PSMD1: variants seen among roughly 807,000 people sequenced by gnomAD.
PSMD1 encodes 26S proteasome non-ATPase regulatory subunit 1.
Under a neutral mutation model 119.0 loss-of-function variants are expected in PSMD1, and 18 were observed. The observed-to-expected ratio is 0.15, with a 90% CI of 0.10 to 0.22. PSMD1 has a LOEUF of 0.22. Among genes scored for constraint, PSMD1 ranks in the 10% least tolerant of loss-of-function variants. The pLI, the probability that PSMD1 is intolerant of heterozygous loss-of-function variation, is 1.00. For missense variants in PSMD1, 702 were observed against 1,158.5 expected (o/e 0.61, Z 5.72); for synonymous variants, 374 against 396.6 (o/e 0.94, Z 0.68).
intron 16 of PSMD1, among the ~76,000 whole-genome samples, chr2:231,135,335 G>C (rs1009521600): frequency 1.3e-5 from 2 of 151,930 alleles, no homozygotes; most frequent in African/African-American, 4.8e-5. Flanking sequence ...TATAATAATT[G>C]GTTCATTTTT....
chr2:231,140,742 G>A (rs1236194029), intron 17 of PSMD1, among the ~76,000 whole-genome samples: 1 of 151,232 alleles, frequency 6.6e-6, no homozygotes, highest in Non-Finnish European at 1.5e-5. Context: ...GCCAGGCGTG[G>A]TGGCATGCAC....
At position 231,170,534 on chromosome 2, in the gene PSMD1, G is replaced by A. The variant is rs753080499; in HGVS notation, c.2716-32G>A. 6.4e-7 allele frequency: 1 copy of A among 1,571,536 alleles called. No homozygotes were observed. The highest frequency in any genetic ancestry group is 2.3e-5 in the East Asian group (1 of 43,572). On this transcript the variant is annotated intron_variant, in intron 23 of 24. Transcript: ENST00000308696. The surrounding 1 kb of genome is among the most constrained non-coding windows in gnomAD (Gnocchi z 4.1). Reference sequence around the variant, plus strand: ...ATTGTGGAGCACGCTTGAAATATGAGTGTACGCTTCTGCACGCCCCTGTGT... The same window carrying A: ...ATTGTGGAGCACGCTTGAAATATGAATGTACGCTTCTGCACGCCCCTGTGT...
chr2:231,056,882 G>A lies in PSMD1; in HGVS notation c.-144G>A. The A allele has an allele frequency of 8.5e-7, 1 of 1,174,648 alleles. No individual in the cohort carries two copies. Among genetic ancestry groups the A allele is most frequent in the South Asian group, 1.3e-5 (1 of 74,802 alleles). 72.8% of individuals were successfully genotyped at this position (1,174,648 alleles called of 1,614,324 possible). A position where few individuals can be genotyped will look rare whatever the true frequency, so the allele number is the denominator to read the frequency against. On this transcript the variant is annotated 5_prime_UTR_variant, in exon 1 of 25. Transcript: ENST00000308696. Reference sequence around the variant, plus strand: ...GGCGGGCGGGGTCCTGGCGAGAAGCGAGCCGGCGGCCTGAGGAGGCGACTG... The same window carrying A: ...GGCGGGCGGGGTCCTGGCGAGAAGCAAGCCGGCGGCCTGAGGAGGCGACTG...
At chr2:231,075,471 A>T (rs1694137772) in intron 7 of PSMD1, 40 bp from the exon 8 acceptor site, 2 of 1,577,324 alleles carry the variant, frequency 1.3e-6, no homozygotes, top group Non-Finnish European at 1.7e-6. Flanking sequence ...AACAAATTGT[A>T]CTTCTCTTCA....
chr2:231,142,739 A>G (rs1696155049), intron 17 of PSMD1, among the ~76,000 whole-genome samples: 1 of 152,144 alleles, frequency 6.6e-6, no homozygotes, highest in South Asian at 2.1e-4. Context: ...ACCTTCTAAA[A>G]TGGAAATTTG....
At chr2:231,142,926 A>G (rs1356801486) in intron 17 of PSMD1, among the ~76,000 whole-genome samples, 1 of 152,172 alleles carries the variant, frequency 6.6e-6, no homozygotes, top group Non-Finnish European at 1.5e-5. Flanking sequence ...TTAAGTTTAC[A>G]TGTAGAGGAA....
chr2:231,058,788 A>G (rs568303577), intron 1 of PSMD1, among the ~76,000 whole-genome samples: 107 of 152,090 alleles, frequency 7.0e-4, no homozygotes, highest in East Asian at 3.9e-4. Flanking sequence ...GCCCTGGCAC[A>G]TTCTGTTCCT....
At chr2:231,105,413 T>C (rs1694952642) in intron 16 of PSMD1, among the ~76,000 whole-genome samples, 1 of 152,180 alleles carries the variant, frequency 6.6e-6, no homozygotes, top group Non-Finnish European at 1.5e-5. Context: ...TGAAAACTCA[T>C]TTGGAAGTGA....
At chr2:231,071,660 GA>G (rs1574707510) in intron 6 of PSMD1, among the ~76,000 whole-genome samples, 2 of 152,066 alleles carry the variant, frequency 1.3e-5, no homozygotes, top group East Asian at 3.8e-4. Flanking sequence ...AAGGGAACAA[GA>G]AAATTTAAAT....
At position 231,092,212 on chromosome 2, in the gene PSMD1, C is replaced by T. The variant is rs547077028; in HGVS notation, c.1883+5031C>T. Among the ~76,000 whole-genome samples, 10 of 152,252 alleles carry T rather than the reference C, an allele frequency of 6.6e-5. No individual in the cohort carries two copies. In the South Asian group the frequency reaches 1.7e-3, roughly 25 times the overall value. On this transcript the variant is annotated intron_variant, in intron 16 of 24. Coordinates refer to ENST00000308696, the MANE Select transcript of PSMD1 (RefSeq NM_002807.4). ...GCAAGAGCAGAGGAACCTTGCCAAT[C>T]ACGTGTCAAATTGGTGGGAATGCTT...
At chr2:231,165,610 A>G (rs1170874784) in intron 22 of PSMD1, among the ~76,000 whole-genome samples, 1 of 152,212 alleles carries the variant, frequency 6.6e-6, no homozygotes, top group African/African-American at 2.4e-5. Context: ...AGGGATTATC[A>G]CTTGTTTAGG....
chr2:231,095,882 G>A lies in PSMD1; in HGVS notation c.1883+8701G>A, dbSNP rs113835890. ...GGAATGACGAAAATGGGTGAATTCCGAGGGCTGTTTGACAATTCTATATGG... is the reference window on the plus strand; with the variant it reads ...GGAATGACGAAAATGGGTGAATTCCAAGGGCTGTTTGACAATTCTATATGG... On this transcript the variant is annotated intron_variant, in intron 16 of 24. Transcript: ENST00000308696. 4.1e-3 allele frequency among the ~76,000 whole-genome samples: 619 copies of A among 152,286 alleles called. 2 individuals are homozygous for A. The highest frequency in any genetic ancestry group is 0.013 in the East Asian group (65 of 5,188).
intron 17 of PSMD1, among the ~76,000 whole-genome samples, chr2:231,140,607 G>A (rs1055927609): frequency 4.6e-5 from 7 of 152,052 alleles, no homozygotes; most frequent in Admixed American, 3.3e-4. Context: ...GCCAGGTGCA[G>A]TGGCTCACAC....
intron 16 of PSMD1, among the ~76,000 whole-genome samples, chr2:231,091,070 G>T (rs1694577496): frequency 6.6e-6 from 1 of 152,206 alleles, no homozygotes; most frequent in Non-Finnish European, 1.5e-5. Flanking sequence ...ATCCAGTGAA[G>T]GAGTGGGCTA....
intron 6 of PSMD1, among the ~76,000 whole-genome samples, chr2:231,071,931 G>C (rs1188318507): frequency 6.6e-6 from 1 of 152,146 alleles, no homozygotes; most frequent in Non-Finnish European, 1.5e-5. Flanking sequence ...AACCAATGTT[G>C]AATACTGCTG....
chr2:231,092,369 G>C (rs1392252747), intron 16 of PSMD1, among the ~76,000 whole-genome samples: 7 of 152,114 alleles, frequency 4.6e-5, no homozygotes, highest in Admixed American at 4.6e-4. Context: ...TGGAAATATT[G>C]GTTCCCATAA....
At chr2:231,165,776 G>A (rs1696764845) in intron 22 of PSMD1, 95 bp from the exon 23 acceptor site, 1 of 1,124,470 alleles carries the variant, frequency 8.9e-7, no homozygotes. Flanking sequence ...ACTACCTCTT[G>A]TACCTTATAG....
chr2:231,132,972 A>G (rs1036885818), intron 16 of PSMD1, among the ~76,000 whole-genome samples: 6 of 152,204 alleles, frequency 3.9e-5, no homozygotes, highest in African/African-American at 1.4e-4. Flanking sequence ...ATGAATTGTC[A>G]TGGTGGGAAG....
chr2:231,091,550 G>T (rs1360830156), intron 16 of PSMD1, among the ~76,000 whole-genome samples: 2 of 152,212 alleles, frequency 1.3e-5, no homozygotes, highest in Admixed American at 6.5e-5. Flanking sequence ...AGGCATAGTG[G>T]TTATAACTCG....
Sources: allele counts gnomAD v4.1 joint callset (sites outside exome capture counted in the v4.1 genomes callset), GRCh38; gene constraint gnomAD v4.1.1; non-coding constraint Gnocchi (gnomAD v3.1); transcripts MANE v1.5; gene names NCBI Gene and HGNC (gene_info 2026-07-23, HGNC 2026-07-21).